SLC12A1: variants seen among roughly 807,000 people sequenced by gnomAD.
SLC12A1 encodes Na-K-2Cl cotransporter.
In SLC12A1, 89 loss-of-function variants were observed where a neutral mutation model predicts 130.4. The observed-to-expected ratio is 0.68, with a 90% CI of 0.58 to 0.81. The LOEUF (loss-of-function observed/expected upper bound fraction) is 0.81. SLC12A1 is among the 40% of genes least tolerant of loss of function. The pLI is 0.00. For missense variants in SLC12A1, 1,310 were observed against 1,336.4 expected (o/e 0.98, Z 0.31); for synonymous variants, 499 against 460.0 (o/e 1.08, Z -1.09).
At chr15:48,229,410 T>C (rs2041340788) in intron 6 of SLC12A1, 82 bp downstream of exon 6, 1 of 1,376,356 alleles carries the variant, frequency 7.3e-7, no homozygotes, top group Non-Finnish European at 1.0e-6. Context: ...GGGATATCAT[T>C]ACAGCTAAAT....
chr15:48,278,959 G>T (rs992646604), intron 20 of SLC12A1, among the ~76,000 whole-genome samples: 1 of 152,108 alleles, frequency 6.6e-6, no homozygotes, highest in East Asian at 1.9e-4. Flanking sequence ...TTTCCCAAGG[G>T]TTGTATCCTA....
intron 19 of SLC12A1, 58 bp from the exon 20 acceptor site, chr15:48,274,513 A>G: frequency 1.8e-6 from 2 of 1,129,544 alleles, no homozygotes; most frequent in Non-Finnish European, 2.7e-6. Context: ...ATACTAGTCC[A>G]AAGCTTGAGG....
Position 48,258,378 on chromosome 15 carries a change from A to AAAT in SLC12A1, c.2043-820_2043-819insTAA, listed in dbSNP as rs1386922020. Reference sequence around the variant, plus strand: ...TCCGTCTCAAAAAAAAAAAAAAAAAAAAAAAAAAGAGTGACCTTTACTCCA... The same window carrying AAAT: ...TCCGTCTCAAAAAAAAAAAAAAAAAAAATAAAAAAAAGAGTGACCTTTACTCCA... On this transcript the variant is annotated intron_variant, in intron 16 of 26. Transcript: ENST00000380993. 2.9e-5 allele frequency among the ~76,000 whole-genome samples: 2 copies of AAAT among 69,550 alleles called. 1 individual carries two copies. Among genetic ancestry groups the AAAT allele is most frequent in the African/African-American group, 5.4e-4 (2 of 3,698 alleles). The allele number at this position is 69,550 out of a possible 152,430, so 45.6% of individuals were successfully genotyped here. A position where few individuals can be genotyped will look rare whatever the true frequency, so the allele number is the denominator to read the frequency against.
chr15:48,283,916 CTTTGAAAGTCTTA>C (rs2042032307), intron 20 of SLC12A1, among the ~76,000 whole-genome samples: 1 of 152,202 alleles, frequency 6.6e-6, no homozygotes, highest in Non-Finnish European at 1.5e-5. Flanking sequence ...CATATGACTG[CTTTGAAAGTCTTA>C]TTTACCCTGA....
chr15:48,230,552 A>G, intron 7 of SLC12A1, 49 bp downstream of exon 7: 1 of 1,170,388 alleles, frequency 8.5e-7, no homozygotes, highest in Middle Eastern at 1.9e-4. Context: ...TCAGGTCCTG[A>G]ACAAATTGCA....
rs1259183682 is a variant in SLC12A1 at position 48,267,713 on chromosome 15, T to C, written c.2295+12T>C. ...GAAGTCTTCTTCAGGTAAGGCTGCA[T>C]TGAGGGAATGAGCACAGAGGCAAAA... On this transcript the variant is annotated intron_variant, in intron 18 of 26. Coordinates refer to ENST00000380993, the MANE Select transcript of SLC12A1 (RefSeq NM_000338.3). 1 of 1,612,662 alleles carries C rather than the reference T, an allele frequency of 6.2e-7. No homozygotes were observed. Among genetic ancestry groups the C allele is most frequent in the African/African-American group, 1.3e-5 (1 of 74,838 alleles).
Position 48,207,923 on chromosome 15 carries a change from G to A in SLC12A1, c.204G>A (p.Glu68=). 6.2e-7 allele frequency: 1 copy of A among 1,614,032 alleles called. No homozygotes were observed. Among genetic ancestry groups the A allele is most frequent in the Non-Finnish European group, 8.5e-7 (1 of 1,179,880 alleles). ...LRISFRPGNQ[E]CYDNFLQSGE... ...TCAGCTTTAGGCCTGGGAATCAGGA[G>A]TGCTATGACAATTTCCTCCAAAGTG... is the stretch of plus-strand genomic sequence containing the variant. The change falls in exon 2 of 27, where the codon GAG becomes GAA. Residue 68 remains glutamate, a synonymous_variant. Coordinates refer to ENST00000380993, the MANE Select transcript of SLC12A1 (RefSeq NM_000338.3).
intron 19 of SLC12A1, among the ~76,000 whole-genome samples, chr15:48,270,158 C>G (rs536883552): frequency 3.9e-4 from 59 of 152,286 alleles, no homozygotes; most frequent in Non-Finnish European, 6.6e-4. Flanking sequence ...ATAATTCGTT[C>G]ACTATCCCAG....
At chr15:48,259,113 C>A in intron 16 of SLC12A1, 87 bp from the exon 17 acceptor site, 1 of 862,264 alleles carries the variant, frequency 1.2e-6, no homozygotes, top group Admixed American at 1.9e-5. Flanking sequence ...TTTTTCCAAG[C>A]CTCTGTACCT....
At chr15:48,298,879 C>T (rs1045990674) in intron 24 of SLC12A1, among the ~76,000 whole-genome samples, 4 of 152,138 alleles carry the variant, frequency 2.6e-5, no homozygotes, top group Non-Finnish European at 4.4e-5. Context: ...AGTATGTATG[C>T]GTATGTGTGT....
chr15:48,233,734 T>G (rs1158299388), intron 8 of SLC12A1, among the ~76,000 whole-genome samples: 2 of 152,132 alleles, frequency 1.3e-5, no homozygotes, highest in African/African-American at 4.8e-5. Flanking sequence ...TCCTGATTCC[T>G]TTTCTTCATA....
Position 48,232,759 on chromosome 15 carries a change from T to C in SLC12A1, c.1008T>C (p.Ile336=), listed in dbSNP as rs1453924029. The change falls in exon 8 of 27, where the codon ATT becomes ATC. Residue 336 remains isoleucine (I), a synonymous_variant. Transcript: ENST00000380993. The part of the protein sequence containing the change: ...AQVILLVILL[I]AIANFFIGTV... ...TCATTCTTCTGGTCATTCTTCTAATTGCTATTGCAAACTTCTTCATTGGAA... is the reference window on the plus strand; with the variant it reads ...TCATTCTTCTGGTCATTCTTCTAATCGCTATTGCAAACTTCTTCATTGGAA... The C allele has an allele frequency of 6.2e-7, 1 of 1,613,010 alleles. No homozygotes were observed. The highest frequency in any genetic ancestry group is 1.7e-5 in the Admixed American group (1 of 60,032).
chr15:48,298,880 G>T (rs144082322), intron 24 of SLC12A1, among the ~76,000 whole-genome samples: 1 of 152,340 alleles, frequency 6.6e-6, no homozygotes, highest in South Asian at 2.1e-4. Context: ...GTATGTATGC[G>T]TATGTGTGTT....
chr15:48,279,525 G>A (rs923087720), intron 20 of SLC12A1, among the ~76,000 whole-genome samples: 1 of 152,038 alleles, frequency 6.6e-6, no homozygotes, highest in African/African-American at 2.4e-5. Flanking sequence ...AAATAAGATC[G>A]ATGCTCATAA....
At chr15:48,215,821 A>T (rs1197217422) in intron 2 of SLC12A1, among the ~76,000 whole-genome samples, 1 of 152,200 alleles carries the variant, frequency 6.6e-6, no homozygotes, top group Non-Finnish European at 1.5e-5. Context: ...TCAAGATAAG[A>T]TTTTCACAAA....
rs750466862 is a variant in SLC12A1 at position 48,230,424 on chromosome 15, A to G, written c.896A>G (p.Asn299Ser). The change falls in exon 7 of 27, where the codon AAT (asparagine) becomes AGT (serine). Residue 299 changes from asparagine (N) to serine (S), a missense_variant. By Grantham distance (46) the Asn-to-Ser change is conservative. Transcript: ENST00000380993. Reference protein sequence around the residue: ...ESDSMMVDPTNDIRIIGSITV... With the variant: ...ESDSMMVDPTSDIRIIGSITV... Reference sequence around the variant, plus strand: ...GATTCGATGATGGTGGATCCAACCAATGACATCCGGATTATAGGCTCCATC... The same window carrying G: ...GATTCGATGATGGTGGATCCAACCAGTGACATCCGGATTATAGGCTCCATC... 2.5e-6 allele frequency: 4 copies of G among 1,612,692 alleles called. No individual in the cohort carries two copies. The highest frequency in any genetic ancestry group is 2.2e-5 in the South Asian group (2 of 90,444).
intron 2 of SLC12A1, among the ~76,000 whole-genome samples, chr15:48,211,375 C>T (rs1418412486): frequency 6.6e-6 from 1 of 152,154 alleles, no homozygotes; most frequent in Non-Finnish European, 1.5e-5. Flanking sequence ...TACTTTTCCC[C>T]CCTCAAATAT....
intron 21 of SLC12A1, among the ~76,000 whole-genome samples, chr15:48,286,513 G>A (rs553306035): frequency 6.6e-5 from 10 of 152,240 alleles, no homozygotes; most frequent in South Asian, 2.1e-4. Context: ...TCTATTAAGT[G>A]GTACAGTCTG....
At chr15:48,220,170 G>A (rs2041191076) in intron 2 of SLC12A1, among the ~76,000 whole-genome samples, 1 of 150,030 alleles carries the variant, frequency 6.7e-6, no homozygotes, top group African/African-American at 2.5e-5. Flanking sequence ...TAGATAGATA[G>A]ATAGATAGAT....
Sources: gnomAD v4.1 joint callset for allele counts (sites outside exome capture counted in the v4.1 genomes callset) on GRCh38, gnomAD v4.1.1 for gene constraint, MANE v1.5 for transcripts, NCBI Gene and HGNC (gene_info 2026-07-23, HGNC 2026-07-21) for gene names.